KCNIP4: variants seen among roughly 807,000 people sequenced by gnomAD.
KCNIP4 encodes the protein potassium voltage-gated channel interacting protein 4.
A neutral mutation model predicts 34.0 loss-of-function variants in KCNIP4; 12 were observed. The ratio of observed to expected loss-of-function variants is 0.35; its 90% CI spans 0.23 to 0.57. KCNIP4 has a LOEUF of 0.57. KCNIP4 is among the 20% of genes least tolerant of loss of function. The probability of loss-of-function intolerance (pLI) is 0.83; values close to 1 mark genes in which losing one functional copy is unlikely to be tolerated. For synonymous variants in KCNIP4, 124 were observed against 102.2 expected (o/e 1.21, Z -1.29); for missense variants, 238 against 311.7 (o/e 0.76, Z 1.78).
At chr4:21,175,369 T>C (rs574643906) in intron 1 of KCNIP4, among the ~76,000 whole-genome samples, 219 of 152,246 alleles carry the variant, frequency 1.4e-3, no homozygotes, top group African/African-American at 5.1e-3. Context: ...ATATGGATAA[T>C]TCATTTCAGT....
chr4:21,394,616 C>T (rs1279318481), intron 1 of KCNIP4, among the ~76,000 whole-genome samples: 7 of 151,974 alleles, frequency 4.6e-5, no homozygotes, highest in African/African-American at 7.3e-5. Context: ...GTCATAGGCT[C>T]GAACAAGAGC....
intron 1 of KCNIP4, among the ~76,000 whole-genome samples, chr4:21,308,591 T>C (rs1375280381): frequency 6.6e-6 from 1 of 152,120 alleles, no homozygotes; most frequent in African/African-American, 2.4e-5. Flanking sequence ...CCCAAAGCAT[T>C]CAATGAAACA....
intron 1 of KCNIP4, among the ~76,000 whole-genome samples, chr4:21,504,878 C>T (rs1370763051): frequency 6.6e-6 from 1 of 152,126 alleles, no homozygotes; most frequent in Non-Finnish European, 1.5e-5. Flanking sequence ...TACTTAAAAT[C>T]AATAGAACAG....
chr4:21,713,567 C>T (rs1342758259), intron 1 of KCNIP4, among the ~76,000 whole-genome samples: 1 of 152,244 alleles, frequency 6.6e-6, no homozygotes, highest in East Asian at 1.9e-4. Context: ...TTAAGGTTGT[C>T]CATCACCTCG....
chr4:21,247,609 ATATATT>A (rs1485437341), intron 1 of KCNIP4, among the ~76,000 whole-genome samples: 11 of 141,584 alleles, frequency 7.8e-5, no homozygotes, highest in African/African-American at 2.7e-4. Context: ...CAGATGGTAT[ATATATT>A]TATATCTATA....
rs115259391 is a variant in KCNIP4, at chr4:21,697,285, A to G, written c.61+251286T>C. 1.3e-3 allele frequency: 1,844 copies of G among 1,387,190 alleles called. 16 individuals are homozygous for G. In the African/African-American group the frequency reaches 0.021, roughly 16 times the overall value. 85.9% of individuals were successfully genotyped at this position (1,387,190 alleles called of 1,614,324 possible). A position where few individuals can be genotyped will look rare whatever the true frequency, so the allele number is the denominator to read the frequency against. On this transcript the variant is annotated intron_variant, in intron 1 of 8. Transcript: ENST00000382152. ...GAAATAGCCTTTCCTATTCCATTTC[A>G]ACTTCATTACCATGCTCTACTAGCC...
chr4:20,810,119 T>C (rs755161381), intron 3 of KCNIP4, among the ~76,000 whole-genome samples: 8 of 152,328 alleles, frequency 5.3e-5, no homozygotes, highest in Admixed American at 3.9e-4. Flanking sequence ...TGCTTCCCTG[T>C]AGCACTCAGC....
intron 1 of KCNIP4, among the ~76,000 whole-genome samples, chr4:21,757,572 C>T (rs1048749944): frequency 2.6e-5 from 4 of 152,124 alleles, no homozygotes; most frequent in Non-Finnish European, 4.4e-5. Flanking sequence ...TTTTTAGAGA[C>T]GTCTTCACCA....
At chr4:20,758,789 TA>T (rs747711345) in intron 4 of KCNIP4, 31 bp downstream of exon 4, 39 of 1,525,880 alleles carry the variant, frequency 2.6e-5, no homozygotes, top group Non-Finnish European at 3.2e-5. Context: ...GTAACTCTGA[TA>T]GTATGTTAAC....
chr4:21,637,892 G>A (rs569186074), intron 1 of KCNIP4, among the ~76,000 whole-genome samples: 36 of 151,794 alleles, frequency 2.4e-4, no homozygotes, highest in African/African-American at 7.5e-4. Context: ...AACTGAGAGT[G>A]TTTGACACCA....
intron 3 of KCNIP4, among the ~76,000 whole-genome samples, chr4:20,827,799 C>T (rs1271883091): frequency 1.8e-5 from 2 of 110,596 alleles, no homozygotes; most frequent in East Asian, 2.4e-4. Context: ...CAAAATTACC[C>T]ATCCCCCTCA....
intron 1 of KCNIP4, among the ~76,000 whole-genome samples, chr4:21,483,374 TC>T (rs1450415297): frequency 6.6e-6 from 1 of 152,128 alleles, no homozygotes; most frequent in Admixed American, 6.6e-5. Context: ...TGAAATGTAG[TC>T]CCTGATGCTA....
intron 2 of KCNIP4, among the ~76,000 whole-genome samples, chr4:20,871,547 T>C (rs763225241): frequency 4.6e-5 from 7 of 152,046 alleles, no homozygotes; most frequent in Non-Finnish European, 8.8e-5. Flanking sequence ...GAAATGACCA[T>C]TTTCTAAGAA....
At chr4:21,309,172 G>T (rs888244087) in intron 1 of KCNIP4, among the ~76,000 whole-genome samples, 2 of 152,096 alleles carry the variant, frequency 1.3e-5, no homozygotes, top group Non-Finnish European at 2.9e-5. Context: ...ATTTTGGCAC[G>T]TTATGTCTCT....
At chr4:21,783,658 C>A (rs1460350636) in intron 1 of KCNIP4, among the ~76,000 whole-genome samples, 2 of 152,108 alleles carry the variant, frequency 1.3e-5, no homozygotes, top group Admixed American at 6.6e-5. Context: ...CAACATGAAT[C>A]TTCTGAAGTC....
intron 1 of KCNIP4, among the ~76,000 whole-genome samples, chr4:21,114,314 A>C (rs1195372256): frequency 1.3e-5 from 2 of 152,210 alleles, no homozygotes; most frequent in African/African-American, 4.8e-5. Context: ...AATTGGAACC[A>C]AGAAAAATCT....
chr4:21,325,529 T>G (rs1004802910), intron 1 of KCNIP4, among the ~76,000 whole-genome samples: 4 of 151,918 alleles, frequency 2.6e-5, no homozygotes, highest in Non-Finnish European at 4.4e-5. Context: ...GTCAATTTTA[T>G]TTATCTTTTC....
chr4:21,012,082 G>A (rs1190191929), intron 1 of KCNIP4, among the ~76,000 whole-genome samples: 1 of 152,202 alleles, frequency 6.6e-6, no homozygotes, highest in South Asian at 2.1e-4. Context: ...AAACAAGGGT[G>A]TCCAATTATA....
At chr4:21,434,745 C>G (rs1259263204) in intron 1 of KCNIP4, among the ~76,000 whole-genome samples, 3 of 150,708 alleles carry the variant, frequency 2.0e-5, no homozygotes, top group Non-Finnish European at 4.4e-5. Context: ...TCCCCGCCCC[C>G]CTCCCCACAA....
Sources: allele counts gnomAD v4.1 joint callset (sites outside exome capture counted in the v4.1 genomes callset), GRCh38; gene constraint gnomAD v4.1.1; transcripts MANE v1.5; gene names NCBI Gene and HGNC (gene_info 2026-07-23, HGNC 2026-07-21).